Variants in ZNF165 observed in about 807,000 individuals in gnomAD.
ZNF165 encodes the protein cancer/testis antigen 53.
A neutral mutation model predicts 19.6 loss-of-function variants in ZNF165; 14 were observed. The observed-to-expected ratio is 0.71, with a 90% confidence interval of 0.47 to 1.12. The LOEUF is 1.12. Ranked by LOEUF, ZNF165 falls within the 50% of genes most tolerant of loss-of-function variation. The probability of loss-of-function intolerance (pLI) is 0.00; values close to 1 mark genes in which losing one functional copy is unlikely to be tolerated. For synonymous variants in ZNF165, 165 were observed against 195.0 expected, an observed-to-expected ratio of 0.85 and a Z score of 1.28; for missense variants, 504 against 566.3, an observed-to-expected ratio of 0.89 and a Z score of 1.12.
At chr6:28,081,157 G>A (rs1191539972) in intron 1 of ZNF165, 187 bp downstream of exon 1, 1 of 152,320 alleles carries the variant, frequency 6.6e-6, no homozygotes, top group African/African-American at 2.4e-5. Context: ...ATTTAGTGAG[G>A]GTTTGGCGGT....
rs774849726 is a variant in ZNF165, at chr6:28,089,161, G to A, written c.1149G>A (p.Glu383=). 1 of 1,614,178 alleles carries A rather than the reference G, an allele frequency of 6.2e-7. No homozygotes were observed. Among genetic ancestry groups the A allele is most frequent in the Non-Finnish European group, 8.5e-7 (1 of 1,180,030 alleles). The part of the protein sequence containing the change: ...ECNECGKSFA[E]SSDLTRHRRI... ...ATGAATGTGGGAAAAGCTTTGCAGA[G>A]AGCTCAGATCTTACTAGACATCGGC... Residue 383 remains glutamate, a synonymous_variant, in exon 4 of 4, where the codon GAG becomes GAA. Transcript: ENST00000683778.
intron 3 of ZNF165, 33 bp downstream of exon 3, chr6:28,086,343 C>G (rs770479587): frequency 6.3e-7 from 1 of 1,580,482 alleles, no homozygotes. Flanking sequence ...GTGCACATCA[C>G]TAAAGAAACA....
intron 1 of ZNF165, among the ~76,000 whole-genome samples, chr6:28,084,586 G>A (rs929337987): frequency 6.6e-6 from 1 of 152,140 alleles, no homozygotes; most frequent in Admixed American, 6.5e-5. Context: ...TTGAACCTGG[G>A]AGGCGGAGGT....
At chr6:28,082,399 A>AG (rs1294463923) in intron 1 of ZNF165, among the ~76,000 whole-genome samples, 2 of 152,214 alleles carry the variant, frequency 1.3e-5, no homozygotes, top group Non-Finnish European at 2.9e-5. Context: ...GTGGGAAATG[A>AG]GGGGTCTCAC....
In ZNF165 at chr6:28,085,855, A is replaced by G; in HGVS notation, c.375A>G (p.Glu125=). 1 of 1,612,794 alleles carries G rather than the reference A, an allele frequency of 6.2e-7. No homozygotes were observed. The highest frequency in any genetic ancestry group is 8.5e-7 in the Non-Finnish European group (1 of 1,180,006). ...ESGEEAVTIL[E]DLERGTDEAV... is the part of the protein sequence containing the mutation. ...GAGAGGAGGCAGTGACCATACTAGA[A>G]GATTTGGAGAGAGGCACTGATGAAG... The change falls in exon 2 of 4, where the codon GAA becomes GAG. Residue 125 remains glutamate, a synonymous_variant. Coordinates refer to ENST00000683778, the MANE Select transcript of ZNF165 (RefSeq NM_001376491.1).
chr6:28,082,327 G>A (rs1423847557), intron 1 of ZNF165, among the ~76,000 whole-genome samples: 1 of 151,478 alleles, frequency 6.6e-6, no homozygotes, highest in Non-Finnish European at 1.5e-5. Flanking sequence ...GCTCGGTCAT[G>A]GAGACCCTAA....
chr6:28,083,513 G>A (rs901947619), intron 1 of ZNF165, among the ~76,000 whole-genome samples: 9 of 151,940 alleles, frequency 5.9e-5, no homozygotes, highest in African/African-American at 1.7e-4. Context: ...TGCTCACCCC[G>A]CCACTGTGGT....
rs140688933 is a variant in ZNF165 at position 28,085,581 on chromosome 6, A to C, written c.101A>C (p.Asp34Ala). The C allele has an allele frequency of 1.5e-5, 25 of 1,614,256 alleles. No individual in the cohort carries two copies. The African/African-American group carries it at 3.3e-4, about 22-fold the overall frequency. ...IEEEEFIHGQ[D>A]TCLQRSELLK... ...GAGGAAGAATTTATCCATGGGCAGG[A>C]CACTTGCTTACAGAGAAGTGAACTC... is the stretch of plus-strand genomic sequence containing the variant. The change falls in exon 2 of 4, where the codon GAC (aspartate) becomes GCC (alanine). Residue 34 changes from aspartate (D) to alanine (A), a missense_variant. By Grantham distance (126) the Asp-to-Ala change is moderately radical. Transcript: ENST00000683778.
At chr6:28,086,435 T>C (rs1764277762) in intron 3 of ZNF165, 125 bp downstream of exon 3, 10 of 1,392,108 alleles carry the variant, frequency 7.2e-6, no homozygotes, top group Admixed American at 2.6e-5. Flanking sequence ...AAGAGAGAAC[T>C]TGTGGCCAGG....
At chr6:28,088,417 A>G (rs921382742) in intron 3 of ZNF165, 146 bp from the exon 4 acceptor site, 8 of 698,012 alleles carry the variant, frequency 1.1e-5, no homozygotes, top group East Asian at 5.7e-5. Context: ...TTTCATTCCT[A>G]TCATCCTCTT....
chr6:28,085,897 C>A lies in ZNF165; in HGVS notation c.411+6C>A, dbSNP rs560163421. On this transcript the variant is annotated splice_donor_region_variant and intron_variant, in intron 2 of 3. Coordinates refer to ENST00000683778, the MANE Select transcript of ZNF165 (RefSeq NM_001376491.1). ...CTGATGAAGCAGTACTCCAGGTGCA[C>A]AGGGGATGGGAGATCTAAGACCTCC... 2 of 1,607,082 alleles carry A rather than the reference C, an allele frequency of 1.2e-6. No individual in the cohort carries two copies. The highest frequency in any genetic ancestry group is 1.7e-5 in the Admixed American group (1 of 59,688).
intron 3 of ZNF165, among the ~76,000 whole-genome samples, chr6:28,086,888 AAAG>A (rs1389340501): frequency 1.4e-4 from 21 of 152,364 alleles, no homozygotes; most frequent in Middle Eastern, 3.4e-3. Context: ...TGAAAAGAGA[AAAG>A]AAGGAAAAGA....
At chr6:28,088,295 CTT>C (rs773472966) in intron 3 of ZNF165, among the ~76,000 whole-genome samples, 13 of 152,174 alleles carry the variant, frequency 8.5e-5, no homozygotes, top group African/African-American at 2.4e-4. Flanking sequence ...CCCCCTATCT[CTT>C]GAGTTCTTGC....
At position 28,089,403 on chromosome 6, in the gene ZNF165, C is replaced by T. The variant is rs763825208; in HGVS notation, c.1391C>T (p.Ala464Val). 6.2e-6 allele frequency: 10 copies of T among 1,613,888 alleles called. No individual in the cohort carries two copies. The South Asian group carries it at 9.9e-5, about 16-fold the overall frequency. ...KPYECSECGR[A>V]FSQSSNLSQH... ...TATGAATGCAGTGAGTGTGGAAGAG[C>T]CTTCAGTCAGAGCTCAAACCTTAGT... The change falls in exon 4 of 4, where the codon GCC becomes GTC. Residue 464 changes from alanine to valine, a missense_variant. Transcript: ENST00000683778.
At chr6:28,084,381 G>A (rs1298162853) in intron 1 of ZNF165, among the ~76,000 whole-genome samples, 1 of 152,168 alleles carries the variant, frequency 6.6e-6, no homozygotes, top group East Asian at 1.9e-4. Flanking sequence ...GGCCGGGCAC[G>A]GTGGCTCACA....
upstream of ZNF165, chr6:28,080,546 T>G (rs1581478250): frequency 8.8e-6 from 1 of 113,050 alleles, no homozygotes; most frequent in Non-Finnish European, 1.9e-5. Flanking sequence ...CCCGGCAATT[T>G]TTTTTTTTTT....
chr6:28,085,631 C>T lies in ZNF165; in HGVS notation c.151C>T (p.Leu51Phe). ...CCTTAAGCAGGAGCTCTGCAGGCAGCTTTTTAGGCAGTTCTGCTACCAGGA... is the reference window on the plus strand; with the variant it reads ...CCTTAAGCAGGAGCTCTGCAGGCAGTTTTTTAGGCAGTTCTGCTACCAGGA... ...ELLKQELCRQ[L>F]FRQFCYQDSP... The change falls in exon 2 of 4, where the codon CTT becomes TTT. Residue 51 changes from leucine (L) to phenylalanine (F), a missense_variant. Coordinates refer to ENST00000683778, the MANE Select transcript of ZNF165 (RefSeq NM_001376491.1). 6.2e-7 allele frequency: 1 copy of T among 1,614,226 alleles called. No homozygotes were observed. The highest frequency in any genetic ancestry group is 1.3e-5 in the African/African-American group (1 of 75,062).
chr6:28,087,459 T>C (rs1764303517), intron 3 of ZNF165, among the ~76,000 whole-genome samples: 1 of 152,222 alleles, frequency 6.6e-6, no homozygotes, highest in Non-Finnish European at 1.5e-5. Flanking sequence ...TTGGCCAGGC[T>C]GGTCTCAAAC....
At chr6:28,085,413 T>A in intron 1 of ZNF165, 68 bp from the exon 2 acceptor site, 1 of 1,507,504 alleles carries the variant, frequency 6.6e-7, no homozygotes, top group Non-Finnish European at 9.0e-7. Context: ...TTTTGATCCC[T>A]CAGGAGGACT....
Sources: allele counts gnomAD v4.1 joint callset (sites outside exome capture counted in the v4.1 genomes callset), GRCh38; gene constraint gnomAD v4.1.1; transcripts MANE v1.5; gene names NCBI Gene and HGNC (gene_info 2026-07-23, HGNC 2026-07-21).